The following SLC44A3 variants were observed in gnomAD, a reference collection of about 807,000 sequenced individuals.
SLC44A3 encodes choline transporter-like protein 3.
In SLC44A3, 74 loss-of-function variants were observed where a neutral mutation model predicts 75.4. That is an observed-to-expected ratio of 0.98 (90% CI 0.81 to 1.19). The LOEUF is 1.19. Among genes scored for constraint, SLC44A3 ranks in the 50% most tolerant of loss-of-function variants. The pLI is 0.00. For synonymous variants in SLC44A3, 310 were observed against 296.9 expected, an observed-to-expected ratio of 1.04 and a Z score of -0.45; for missense variants, 700 against 778.6, an observed-to-expected ratio of 0.90 and a Z score of 1.20.
At chr1:94,832,313 G>C (rs1662232746) in intron 5 of SLC44A3, among the ~76,000 whole-genome samples, 1 of 151,690 alleles carries the variant, frequency 6.6e-6, no homozygotes. Context: ...TATTGCCTCA[G>C]TAAAAATAAG....
intron 10 of SLC44A3, among the ~76,000 whole-genome samples, chr1:94,858,216 C>T (rs1666141771): frequency 2.6e-5 from 4 of 152,124 alleles, no homozygotes; most frequent in Non-Finnish European, 1.5e-5. Context: ...GAATATACTT[C>T]AGTAAATTCT....
intron 11 of SLC44A3, among the ~76,000 whole-genome samples, chr1:94,865,765 A>G (rs78320722): frequency 0.02 from 2,979 of 152,286 alleles, 87 homozygotes; most frequent in African/African-American, 0.068. Context: ...CAACCTTTTG[A>G]GTATAGCTAT....
intron 14 of SLC44A3, 34 bp downstream of exon 14, chr1:94,892,551 C>T: frequency 6.3e-7 from 1 of 1,586,082 alleles, no homozygotes; most frequent in African/African-American, 1.3e-5. Flanking sequence ...TTGCAATCTC[C>T]ATGCTCGCAA....
At chr1:94,861,863 T>A (rs1666617686) in intron 10 of SLC44A3, among the ~76,000 whole-genome samples, 1 of 152,152 alleles carries the variant, frequency 6.6e-6, no homozygotes, top group African/African-American at 2.4e-5. Flanking sequence ...AAAGGTGGTG[T>A]TAGGGATGTG....
intron 9 of SLC44A3, among the ~76,000 whole-genome samples, chr1:94,853,784 CAGA>C (rs1430702578): frequency 6.6e-6 from 1 of 150,932 alleles, no homozygotes; most frequent in Non-Finnish European, 1.5e-5. Flanking sequence ...AACAGTTGGG[CAGA>C]AGAAGGGGAA....
intron 4 of SLC44A3, 67 bp downstream of exon 4, chr1:94,827,710 T>A: frequency 1.3e-6 from 2 of 1,536,598 alleles, no homozygotes; most frequent in Non-Finnish European, 1.8e-6. Flanking sequence ...CTAGATGAGA[T>A]CATTTACCCT....
Position 94,849,351 on chromosome 1 carries a change from C to A in SLC44A3, c.1072+3887C>A, listed in dbSNP as rs183570935. Among the ~76,000 whole-genome samples, 502 of 152,264 alleles carry A rather than the reference C, an allele frequency of 3.3e-3. 1 individual carries two copies. The highest frequency in any genetic ancestry group is 5.8e-3 in the Non-Finnish European group (393 of 68,022). ...AAGGTGCTACGCAGAGCCACCACCC[C>A]CCTTCCCCACCCCGCTGGGGTCAGG... On this transcript the variant is annotated intron_variant, in intron 9 of 14. Transcript: ENST00000271227.
intron 3 of SLC44A3, among the ~76,000 whole-genome samples, chr1:94,826,338 A>G (rs574251299): frequency 9.2e-5 from 14 of 152,318 alleles, no homozygotes; most frequent in Non-Finnish European, 1.6e-4. Context: ...TGAATGTACT[A>G]ATGTCACTGT....
intron 12 of SLC44A3, among the ~76,000 whole-genome samples, chr1:94,872,607 T>A (rs931171755): frequency 2.6e-5 from 4 of 152,188 alleles, no homozygotes; most frequent in Admixed American, 2.6e-4. Context: ...GCAGTTTGCC[T>A]CTGCCTCTTC....
intron 5 of SLC44A3, among the ~76,000 whole-genome samples, chr1:94,831,010 A>G (rs1224132044): frequency 1.3e-5 from 2 of 152,222 alleles, no homozygotes; most frequent in Non-Finnish European, 2.9e-5. Flanking sequence ...TCATACATCC[A>G]GCAAATGGAA....
chr1:94,849,902 A>G (rs1033852210), intron 9 of SLC44A3, among the ~76,000 whole-genome samples: 37 of 151,982 alleles, frequency 2.4e-4, no homozygotes, highest in Non-Finnish European at 3.4e-4. Flanking sequence ...ACATGCCACT[A>G]TGCCTAGCTA....
chr1:94,880,711 CAA>C (rs966661284), intron 12 of SLC44A3, among the ~76,000 whole-genome samples: 22 of 152,028 alleles, frequency 1.4e-4, no homozygotes, highest in South Asian at 1.0e-3. Flanking sequence ...ATCATGGAAA[CAA>C]TGTAAAAAGG....
chr1:94,885,881 C>A (rs1250417542), intron 12 of SLC44A3, among the ~76,000 whole-genome samples: 1 of 152,156 alleles, frequency 6.6e-6, no homozygotes, highest in Non-Finnish European at 1.5e-5. Context: ...AAGTTGCACA[C>A]CTGCCTACTG....
intron 9 of SLC44A3, chr1:94,855,099 C>T (rs1210692220): frequency 1.3e-5 from 2 of 152,092 alleles, no homozygotes; most frequent in African/African-American, 2.4e-5. Flanking sequence ...AATGTCTAAG[C>T]GGATCTTGAC....
chr1:94,852,211 T>A, intron 9 of SLC44A3, among the ~76,000 whole-genome samples: 1 of 152,190 alleles, frequency 6.6e-6, no homozygotes, highest in Non-Finnish European at 1.5e-5. Context: ...TTAAATAAAG[T>A]AAGTCAGTCA....
chr1:94,894,755 G>GC, intron 14 of SLC44A3, 63 bp from the exon 15 acceptor site: 1 of 1,387,408 alleles, frequency 7.2e-7, no homozygotes, highest in Non-Finnish European at 1.0e-6. Context: ...TTTTCCCTCG[G>GC]CCCCTACGTT....
intron 7 of SLC44A3, among the ~76,000 whole-genome samples, chr1:94,841,043 G>A (rs576392467): frequency 1.3e-5 from 2 of 152,254 alleles, no homozygotes; most frequent in Admixed American, 6.5e-5. Context: ...ACATCACAGG[G>A]TGCACTTACA....
chr1:94,865,287 G>A lies in SLC44A3; in HGVS notation c.1395+388G>A, dbSNP rs116091032. On this transcript the variant is annotated intron_variant, in intron 11 of 14. Coordinates refer to ENST00000271227, the MANE Select transcript of SLC44A3 (RefSeq NM_001114106.3). ...AAGTAAAAAAATATACCATAAGATA[G>A]GAATAATATTTGTTCATTTCTGTTT... Among the ~76,000 whole-genome samples the A allele has an allele frequency of 6.8e-3, 1,039 of 152,148 alleles. 6 individuals carry two copies. Among genetic ancestry groups the A allele is most frequent in the Non-Finnish European group, 9.7e-3 (659 of 68,006 alleles).
At chr1:94,850,861 A>C (rs935585052) in intron 9 of SLC44A3, among the ~76,000 whole-genome samples, 1 of 152,160 alleles carries the variant, frequency 6.6e-6, no homozygotes, top group Non-Finnish European at 1.5e-5. Flanking sequence ...ATTTAGAAGA[A>C]AATTGTCTTT....
Sources: allele counts gnomAD v4.1 joint callset (sites outside exome capture counted in the v4.1 genomes callset), GRCh38; gene constraint gnomAD v4.1.1; transcripts MANE v1.5; gene names NCBI Gene and HGNC (gene_info 2026-07-23, HGNC 2026-07-21).